MYO18B: variants seen among roughly 807,000 people sequenced by gnomAD.
MYO18B encodes the protein myosin XVIIIB.
Under a neutral mutation model 273.0 loss-of-function variants are expected in MYO18B, and 204 were observed. That is an observed-to-expected ratio of 0.75 (90% CI 0.67 to 0.84). The LOEUF (loss-of-function observed/expected upper bound fraction) is 0.84, where lower values mean the gene tolerates loss of function less well. Ranked by LOEUF, MYO18B falls within the 40% of genes least tolerant of loss-of-function variation. The probability of loss-of-function intolerance (pLI) is 0.00; values close to 1 mark genes in which losing one functional copy is unlikely to be tolerated. For synonymous variants in MYO18B, 1,330 were observed against 1,305.7 expected, an observed-to-expected ratio of 1.02 and a Z score of -0.40; for missense variants, 3,212 against 3,287.6, an observed-to-expected ratio of 0.98 and a Z score of 0.56.
chr22:25,808,723 C>A lies in MYO18B; in HGVS notation c.2521+10626C>A, dbSNP rs367778297. Among the ~76,000 whole-genome samples, 209 of 152,304 alleles carry A rather than the reference C, an allele frequency of 1.4e-3. 9 individuals carry two copies. The South Asian group carries it at 0.042, about 31-fold the overall frequency. ...TGACCAGTGTTCAACCCTGTTTCTC[C>A]TGCATGGTCCAGGTGACTCCTTTGA... is the stretch of plus-strand genomic sequence containing the variant. On this transcript the variant is annotated intron_variant, in intron 12 of 43. Transcript: ENST00000335473.
intron 39 of MYO18B, among the ~76,000 whole-genome samples, chr22:25,959,773 G>T (rs2092897837): frequency 6.6e-6 from 1 of 152,154 alleles, no homozygotes; most frequent in Non-Finnish European, 1.5e-5. Flanking sequence ...GCCCGGGTGT[G>T]AGGTTGTCCA....
At chr22:25,814,061 C>T (rs1415845587) in intron 12 of MYO18B, among the ~76,000 whole-genome samples, 1 of 152,146 alleles carries the variant, frequency 6.6e-6, no homozygotes, top group Non-Finnish European at 1.5e-5. Context: ...TTTAAAAATA[C>T]ATGCTCAGAA....
intron 39 of MYO18B, among the ~76,000 whole-genome samples, chr22:25,980,208 T>C (rs1272926148): frequency 6.6e-6 from 1 of 152,170 alleles, no homozygotes; most frequent in Non-Finnish European, 1.5e-5. Context: ...ATGGGATGTG[T>C]GAATGCACAC....
At chr22:25,939,520 G>A (rs751986237) in intron 34 of MYO18B, among the ~76,000 whole-genome samples, 10 of 152,168 alleles carry the variant, frequency 6.6e-5, no homozygotes, top group African/African-American at 1.7e-4. Flanking sequence ...CAACCATGTC[G>A]TTATTACAGA....
At chr22:25,856,837 G>C (rs1267361709) in intron 21 of MYO18B, among the ~76,000 whole-genome samples, 1 of 152,192 alleles carries the variant, frequency 6.6e-6, no homozygotes, top group Admixed American at 6.6e-5. Context: ...GGTGTTCAGT[G>C]ATGCTCCTCT....
chr22:25,975,253 A>G (rs1049199088), intron 39 of MYO18B, among the ~76,000 whole-genome samples: 10 of 152,252 alleles, frequency 6.6e-5, no homozygotes, highest in African/African-American at 2.4e-4. Context: ...TGATGAGTCA[A>G]TAAATGAATA....
intron 42 of MYO18B, among the ~76,000 whole-genome samples, chr22:26,012,699 C>T (rs186761099): frequency 1.3e-5 from 2 of 152,182 alleles, no homozygotes; most frequent in Admixed American, 6.5e-5. Context: ...GGTCTATGGA[C>T]CTTTTAGAAA....
chr22:25,880,279 A>T (rs990570455), intron 25 of MYO18B, among the ~76,000 whole-genome samples: 2 of 152,224 alleles, frequency 1.3e-5, no homozygotes, highest in Non-Finnish European at 1.5e-5. Flanking sequence ...TGAACAAAAC[A>T]TCAAAATTTT....
Position 25,956,191 on chromosome 22 carries a change from C to T in MYO18B, c.6156+827C>T, listed in dbSNP as rs112259296. Among the ~76,000 whole-genome samples the T allele has an allele frequency of 3.6e-3, 540 of 151,292 alleles. 2 individuals are homozygous for T. The highest frequency in any genetic ancestry group is 0.013 in the African/African-American group (518 of 41,100). On this transcript the variant is annotated intron_variant, in intron 39 of 43. Coordinates refer to ENST00000335473, the MANE Select transcript of MYO18B (RefSeq NM_032608.7). The stretch of plus-strand genomic sequence containing the variant: ...TTTTAGTCACTAACTCATATTTTGT[C>T]TCCAGGATGGACCGAGGAACCTTTT...
intron 11 of MYO18B, among the ~76,000 whole-genome samples, chr22:25,790,096 T>G (rs1225313245): frequency 6.6e-6 from 1 of 152,160 alleles, no homozygotes; most frequent in Non-Finnish European, 1.5e-5. Flanking sequence ...GAGGTTGCAG[T>G]GAGCCGAGAT....
At chr22:25,765,990 T>C (rs902380471) in intron 3 of MYO18B, among the ~76,000 whole-genome samples, 2 of 152,204 alleles carry the variant, frequency 1.3e-5, no homozygotes, top group Non-Finnish European at 2.9e-5. Context: ...CCCAGAGCCA[T>C]GATGCTGAGC....
At chr22:25,933,985 A>G (rs2092545054) in intron 34 of MYO18B, among the ~76,000 whole-genome samples, 1 of 152,220 alleles carries the variant, frequency 6.6e-6, no homozygotes, top group South Asian at 2.1e-4. Flanking sequence ...GCTTCCTGTC[A>G]TGGCTGGCAG....
chr22:25,955,144 A>T, intron 38 of MYO18B, 35 bp from the exon 39 acceptor site: 2 of 1,539,290 alleles, frequency 1.3e-6, no homozygotes, highest in Non-Finnish European at 1.8e-6. Context: ...CTGGCCTCCA[A>T]CTCCAAGGTG....
At chr22:25,927,370 G>A (rs1001104210) in intron 34 of MYO18B, among the ~76,000 whole-genome samples, 29 of 152,222 alleles carry the variant, frequency 1.9e-4, no homozygotes, top group African/African-American at 6.5e-4. Context: ...CCCTAGGTGC[G>A]CCTGTCTCTT....
At chr22:25,917,672 A>G (rs2157539) in intron 33 of MYO18B, among the ~76,000 whole-genome samples, 137,190 of 152,020 alleles carry the variant, frequency 0.9, 62,281 homozygotes, top group Middle Eastern at 0.97. Context: ...TAATTTATTT[A>G]CATTTGTTAT....
At chr22:25,981,210 A>T (rs2093144675) in intron 39 of MYO18B, among the ~76,000 whole-genome samples, 1 of 152,206 alleles carries the variant, frequency 6.6e-6, no homozygotes, top group Non-Finnish European at 1.5e-5. Flanking sequence ...GGGGATTAAG[A>T]CTTCAACCTG....
chr22:25,823,392 G>A, intron 12 of MYO18B, 113 bp from the exon 13 acceptor site: 7 of 1,187,672 alleles, frequency 5.9e-6, no homozygotes, highest in Non-Finnish European at 8.2e-6. Context: ...CCCGGCTGAG[G>A]AGGCTGGCCT....
At chr22:25,869,032 G>A (rs968666908) in intron 22 of MYO18B, among the ~76,000 whole-genome samples, 2 of 152,114 alleles carry the variant, frequency 1.3e-5, no homozygotes, top group African/African-American at 4.8e-5. Flanking sequence ...TTGTTTGTGT[G>A]GAATACCTAG....
chr22:25,895,420 A>C, intron 28 of MYO18B, 140 bp downstream of exon 28: 1 of 952,900 alleles, frequency 1.0e-6, no homozygotes, highest in Non-Finnish European at 1.5e-6. Context: ...TTCCATCTCC[A>C]CTATTATTAC....
Sources: allele counts gnomAD v4.1 joint callset (sites outside exome capture counted in the v4.1 genomes callset), GRCh38; gene constraint gnomAD v4.1.1; transcripts MANE v1.5; gene names NCBI Gene and HGNC (gene_info 2026-07-23, HGNC 2026-07-21).